The following TPP2 variants were observed in gnomAD, a reference collection of about 807,000 sequenced individuals.
The protein encoded by TPP2 is tripeptidyl-peptidase 2.
A neutral mutation model predicts 155.9 loss-of-function variants in TPP2; 34 were observed. The ratio of observed to expected loss-of-function variants is 0.22; its 90% CI spans 0.17 to 0.29. The LOEUF (loss-of-function observed/expected upper bound fraction) is 0.29. Ranked by LOEUF, TPP2 falls within the 10% of genes least tolerant of loss-of-function variation. TPP2 has a pLI of 1.00. For synonymous variants in TPP2, 510 were observed against 529.4 expected (o/e 0.96, Z 0.50); for missense variants, 1,028 against 1,522.3 (o/e 0.68, Z 5.40).
chr13:102,668,124 G>C (rs1884729690), intron 27 of TPP2, among the ~76,000 whole-genome samples: 1 of 152,180 alleles, frequency 6.6e-6, no homozygotes, highest in Non-Finnish European at 1.5e-5. Flanking sequence ...TAGCGCAAAT[G>C]ATCAAAGGTT....
intron 4 of TPP2, among the ~76,000 whole-genome samples, chr13:102,617,819 A>G (rs1000037339): frequency 3.9e-5 from 6 of 152,232 alleles, no homozygotes; most frequent in Non-Finnish European, 7.3e-5. Flanking sequence ...CTCCCCTTGT[A>G]TCATGAAAAC....
intron 8 of TPP2, 120 bp downstream of exon 8, chr13:102,628,044 A>G: frequency 2.6e-6 from 2 of 780,194 alleles, no homozygotes; most frequent in Non-Finnish European, 4.1e-6. Context: ...TGGTTAGATG[A>G]TAACTGTGTT....
At chr13:102,663,192 G>A (rs1461767989) in intron 25 of TPP2, among the ~76,000 whole-genome samples, 4 of 151,380 alleles carry the variant, frequency 2.6e-5, no homozygotes, top group African/African-American at 7.3e-5. Flanking sequence ...TCTGTCACCC[G>A]GCTGGAGTGC....
At chr13:102,676,186 A>T in intron 28 of TPP2, 110 bp from the exon 29 acceptor site, 1 of 1,055,820 alleles carries the variant, frequency 9.5e-7, no homozygotes, top group Non-Finnish European at 1.3e-6. Context: ...TATGTACCAT[A>T]TTCATTTCAA....
chr13:102,613,956 G>C (rs530592038), intron 2 of TPP2, 145 bp from the exon 3 acceptor site: 1 of 610,478 alleles, frequency 1.6e-6, no homozygotes, highest in East Asian at 2.9e-5. Context: ...ACTACTTAGA[G>C]TATTAAACAC....
At chr13:102,656,620 T>C (rs1031357525) in intron 24 of TPP2, among the ~76,000 whole-genome samples, 1 of 151,930 alleles carries the variant, frequency 6.6e-6, no homozygotes, top group Non-Finnish European at 1.5e-5. Context: ...GTAAGTCCTG[T>C]TGGTTGGACT....
chr13:102,601,608 C>G (rs1039540114), intron 1 of TPP2, among the ~76,000 whole-genome samples: 1 of 152,200 alleles, frequency 6.6e-6, no homozygotes, highest in African/African-American at 2.4e-5. Flanking sequence ...GAAGCTCTTA[C>G]CGATACTAAC....
chr13:102,645,085 C>CT lies in TPP2; in HGVS notation c.2393+88dup, dbSNP rs10713633. The CT allele has an allele frequency of 7.5e-3, 7,932 of 1,056,590 alleles. 4 individuals carry two copies. The highest frequency in any genetic ancestry group is 9.1e-3 in the South Asian group (562 of 61,730). 65.5% of individuals were successfully genotyped at this position (1,056,590 alleles called of 1,614,324 possible). A position where few individuals can be genotyped will look rare whatever the true frequency, so the allele number is the denominator to read the frequency against. On this transcript the variant is annotated intron_variant, in intron 19 of 29. Transcript: ENST00000376052. The stretch of plus-strand genomic sequence containing the variant: ...ATCTCTTACACTCTTAAAAAAGGGC[C>CT]TTTTTTTTTTTTAATCCACCTGCAT...
At chr13:102,606,157 T>C (rs951913664) in intron 2 of TPP2, among the ~76,000 whole-genome samples, 21 of 152,254 alleles carry the variant, frequency 1.4e-4, no homozygotes, top group Non-Finnish European at 5.9e-5. Context: ...TTTGTGATCC[T>C]GTACTCTTAA....
intron 25 of TPP2, among the ~76,000 whole-genome samples, chr13:102,660,532 GGACCAGAA>G (rs1884138630): frequency 6.6e-6 from 1 of 152,136 alleles, no homozygotes; most frequent in Admixed American, 6.5e-5. Context: ...CTTTGTCTGT[GGACCAGAA>G]GACTTAATAT....
chr13:102,652,120 A>G (rs1254865522), intron 24 of TPP2, among the ~76,000 whole-genome samples: 7 of 152,174 alleles, frequency 4.6e-5, no homozygotes, highest in Admixed American at 3.9e-4. Context: ...TCATGCCTGT[A>G]ATCCCGGCAC....
intron 21 of TPP2, 110 bp downstream of exon 21, chr13:102,647,454 TA>T (rs1883188899): frequency 2.5e-5 from 34 of 1,364,166 alleles, no homozygotes; most frequent in Non-Finnish European, 3.2e-5. Flanking sequence ...ACAAAAATTA[TA>T]GCTTTGTGTT....
At chr13:102,630,237 T>A (rs1881927698) in intron 10 of TPP2, 42 bp downstream of exon 10, 3 of 1,477,066 alleles carry the variant, frequency 2.0e-6, no homozygotes, top group South Asian at 2.3e-5. Flanking sequence ...TATATTCGGT[T>A]AAACTTTACA....
At chr13:102,638,743 G>A (rs1309993450) in intron 15 of TPP2, among the ~76,000 whole-genome samples, 4 of 151,636 alleles carry the variant, frequency 2.6e-5, no homozygotes, top group African/African-American at 9.7e-5. Flanking sequence ...TACTGTAGAA[G>A]CAGAAGTTAA....
intron 2 of TPP2, among the ~76,000 whole-genome samples, chr13:102,609,208 A>T (rs1004064761): frequency 6.6e-6 from 1 of 152,058 alleles, no homozygotes; most frequent in Non-Finnish European, 1.5e-5. Context: ...GAAGAACTAC[A>T]TGAGACTGGG....
At chr13:102,627,760 C>A in intron 7 of TPP2, 88 bp from the exon 8 acceptor site, 1 of 910,306 alleles carries the variant, frequency 1.1e-6, no homozygotes, top group Non-Finnish European at 1.7e-6. Context: ...GGCTAAGAAA[C>A]TATAGGATTA....
At chr13:102,612,718 T>G (rs1880415117) in intron 2 of TPP2, among the ~76,000 whole-genome samples, 1 of 152,222 alleles carries the variant, frequency 6.6e-6, no homozygotes, top group Admixed American at 6.5e-5. Context: ...TTGAGAAGTA[T>G]CTGGTTCCAT....
chr13:102,646,405 A>G lies in TPP2; in HGVS notation c.2490+15A>G, dbSNP rs953387805. On this transcript the variant is annotated intron_variant, in intron 20 of 29. Coordinates refer to ENST00000376052, the MANE Select transcript of TPP2 (RefSeq NM_001330588.2). ...ACTTTCATCAAGTAAGTGTTTGCCT[A>G]GTAAAGTGTACCCTTAGGATGAACT... 3.8e-6 allele frequency: 6 copies of G among 1,595,270 alleles called. No homozygotes were observed. In the African/African-American group the frequency reaches 8.1e-5, roughly 21 times the overall value.
Position 102,638,263 on chromosome 13 carries a change from C to G in TPP2, c.1861C>G (p.Pro621Ala). The G allele has an allele frequency of 1.2e-6, 2 of 1,612,766 alleles. No homozygotes were observed. The highest frequency in any genetic ancestry group is 2.7e-5 in the African/African-American group (2 of 75,006). Residue 621 changes from proline to alanine, a missense_variant, in exon 15 of 30, where the codon CCT (proline) becomes GCT (alanine). By Grantham distance (27) the Pro-to-Ala change is conservative. This residue lies in a region of TPP2 where 325 missense variants were observed against 463.7 expected (regional missense o/e 0.70). Transcript: ENST00000376052. ...GGTATGTGGCTATGATATAGCATCC[C>G]CTAACGCAGGTCCGCTCTTCAGAGT... ...TEVCGYDIASPNAGPLFRVPI... is the reference protein window; with the variant it reads ...TEVCGYDIASANAGPLFRVPI...
Sources: gnomAD v4.1 joint callset for allele counts (sites outside exome capture counted in the v4.1 genomes callset) on GRCh38, gnomAD v4.1.1 for gene constraint, gnomAD v4.1.1 regional missense constraint, MANE v1.5 for transcripts, NCBI Gene and HGNC (gene_info 2026-07-23, HGNC 2026-07-21) for gene names.